GLDC: variants seen among roughly 807,000 people sequenced by gnomAD.
GLDC encodes the protein glycine decarboxylase.
GLDC carries 104 observed loss-of-function variants against 121.3 expected under a neutral mutation model. The observed-to-expected ratio is 0.86, with a 90% CI of 0.73 to 1.01. GLDC has a LOEUF of 1.01. GLDC is among the 50% of genes least tolerant of loss of function. GLDC has a pLI of 0.00. For missense variants in GLDC, 1,429 were observed against 1,306.6 expected (o/e 1.09, Z -1.44); for synonymous variants, 546 against 480.6 (o/e 1.14, Z -1.78).
At chr9:6,542,596 G>A (rs1213294397) in intron 21 of GLDC, among the ~76,000 whole-genome samples, 3 of 151,624 alleles carry the variant, frequency 2.0e-5, no homozygotes, top group African/African-American at 7.3e-5. Context: ...TTCAAAAGCA[G>A]AAAATTCAGC....
At position 6,645,233 on chromosome 9, in the gene GLDC, G is replaced by A; in HGVS notation, c.255+12C>T. 1 of 1,581,514 alleles carries A rather than the reference G, an allele frequency of 6.3e-7. No individual in the cohort carries two copies. Among genetic ancestry groups the A allele is most frequent in the Non-Finnish European group, 8.6e-7 (1 of 1,163,866 alleles). ...GAGGGGAGGCCGCGGAGGGCCGGGT[G>A]GAGGTCCTTACCGCCAGCCCCAAGG... On this transcript the variant is annotated intron_variant, in intron 1 of 24. Coordinates refer to ENST00000321612, the MANE Select transcript of GLDC (RefSeq NM_000170.3).
Position 6,548,849 on chromosome 9 carries a change from A to G in GLDC, c.2569+1954T>C, listed in dbSNP as rs556583864. On this transcript the variant is annotated intron_variant, in intron 21 of 24. Transcript: ENST00000321612. ...CCCCATCTGTTTTTCTCTCAAAGGT[A>G]TCTTTGCTCTCCCTTCTCACAGCTT... Among the ~76,000 whole-genome samples, 5 of 152,204 alleles carry G rather than the reference A, an allele frequency of 3.3e-5. No homozygotes were observed. In the South Asian group the frequency reaches 6.2e-4, roughly 19 times the overall value.
rs761073591 is a variant in GLDC, at chr9:6,553,474, G to C, written c.2351C>G (p.Pro784Arg). Residue 784 changes from proline to arginine, a missense_variant, in exon 20 of 25, where the codon CCC becomes CGC. By Grantham distance (103) the Pro-to-Arg change is moderately radical. Transcript: ENST00000321612. ...KHLAPFLPNH[P>R]VISLKRNEDA... ...CTCATTCCGCTTTAGTGAAATGACG[G>C]GATGATTGGGCAAAAACGGGGCGAG... 1 of 1,613,884 alleles carries C rather than the reference G, an allele frequency of 6.2e-7. No individual in the cohort carries two copies. Among genetic ancestry groups the C allele is most frequent in the Non-Finnish European group, 8.5e-7 (1 of 1,179,906 alleles).
intron 4 of GLDC, among the ~76,000 whole-genome samples, chr9:6,609,243 T>C (rs1038303212): frequency 6.6e-6 from 1 of 152,220 alleles, no homozygotes; most frequent in Non-Finnish European, 1.5e-5. Flanking sequence ...GAAATGGCTC[T>C]TCAGGAAATA....
intron 2 of GLDC, among the ~76,000 whole-genome samples, chr9:6,623,597 C>A (rs1002627290): frequency 6.6e-6 from 1 of 150,900 alleles, no homozygotes; most frequent in Non-Finnish European, 1.5e-5. Context: ...GAGAGAAACA[C>A]CCAAGAATGA....
intron 15 of GLDC, among the ~76,000 whole-genome samples, chr9:6,586,375 G>A (rs1199857951): frequency 6.6e-6 from 1 of 152,198 alleles, no homozygotes; most frequent in Non-Finnish European, 1.5e-5. Flanking sequence ...TGCGTCTGGA[G>A]CGGGGCCCGG....
chr9:6,580,377 G>A (rs1274804263), intron 15 of GLDC, among the ~76,000 whole-genome samples: 1 of 152,136 alleles, frequency 6.6e-6, no homozygotes, highest in Non-Finnish European at 1.5e-5. Flanking sequence ...GACTTCTAAC[G>A]ACACCCAGAA....
intron 17 of GLDC, 112 bp from the exon 18 acceptor site, chr9:6,556,414 C>A: frequency 1.1e-6 from 1 of 888,700 alleles, no homozygotes. Flanking sequence ...TCAGTCTTTA[C>A]TTTCCTGGAA....
At chr9:6,555,281 G>A (rs957329308) in intron 18 of GLDC, among the ~76,000 whole-genome samples, 5 of 152,214 alleles carry the variant, frequency 3.3e-5, no homozygotes, top group Non-Finnish European at 7.3e-5. Context: ...GGGAAGGCAA[G>A]GCTCGCAGTC....
Position 6,554,997 on chromosome 9 carries a change from A to C in GLDC, c.2203-216T>G, listed in dbSNP as rs112211409. On this transcript the variant is annotated intron_variant, in intron 18 of 24. Coordinates refer to ENST00000321612, the MANE Select transcript of GLDC (RefSeq NM_000170.3). ...GAGTGCTTGTGGTTGCTATGGAAAT[A>C]GCAACTGACCATTTAGTCCAATTTA... is the stretch of plus-strand genomic sequence containing the variant. 6.5e-6 allele frequency: 4 copies of C among 616,438 alleles called. No individual in the cohort carries two copies. The African/African-American group carries it at 7.4e-5, about 11-fold the overall frequency. 38.2% of individuals were successfully genotyped at this position (616,438 alleles called of 1,614,324 possible). A position where few individuals can be genotyped will look rare whatever the true frequency, so the allele number is the denominator to read the frequency against.
chr9:6,562,093 G>T (rs528063188), intron 16 of GLDC, among the ~76,000 whole-genome samples: 57 of 151,904 alleles, frequency 3.8e-4, no homozygotes, highest in Non-Finnish European at 7.8e-4. Context: ...TTATTTTTTC[G>T]TAAGATCTGG....
At chr9:6,625,249 G>A (rs184028117) in intron 2 of GLDC, among the ~76,000 whole-genome samples, 1 of 152,148 alleles carries the variant, frequency 6.6e-6, no homozygotes, top group East Asian at 1.9e-4. Context: ...CAGTTATCCA[G>A]CCCAAAGATT....
intron 8 of GLDC, among the ~76,000 whole-genome samples, chr9:6,600,899 G>A (rs1465816707): frequency 6.6e-6 from 1 of 152,142 alleles, no homozygotes; most frequent in Non-Finnish European, 1.5e-5. Context: ...ACATGGCCAG[G>A]TGCAGTGGCT....
intron 2 of GLDC, among the ~76,000 whole-genome samples, chr9:6,634,559 C>A (rs78005665): frequency 1.1e-4 from 16 of 146,362 alleles, no homozygotes; most frequent in East Asian, 9.9e-4. Flanking sequence ...AAACAAAAAA[C>A]AAAAAAAAAA....
chr9:6,640,306 CA>C (rs1181110902), intron 2 of GLDC, among the ~76,000 whole-genome samples: 2 of 152,170 alleles, frequency 1.3e-5, no homozygotes, highest in Admixed American at 6.5e-5. Flanking sequence ...CGGGAATGGC[CA>C]AAGGAAAGCC....
intron 18 of GLDC, among the ~76,000 whole-genome samples, chr9:6,555,226 T>C (rs556376061): frequency 2.0e-4 from 31 of 152,214 alleles, no homozygotes; most frequent in African/African-American, 5.5e-4. Flanking sequence ...GGCACAGTGA[T>C]GGAAGGGGCT....
At position 6,588,434 on chromosome 9, in the gene GLDC, G is replaced by A. The variant is rs1469574000; in HGVS notation, c.1674C>T (p.Cys558=). The change falls in exon 14 of 25, where the codon TGC becomes TGT. Residue 558 remains cysteine (C), a synonymous_variant. Transcript: ENST00000321612. ...LVHSMIPLGS[C]TMKLNSSSEL... ...CAGACGAACTGTTCAGTTTCATGGT[G>A]CAGGATCCCTTTAAGAAGAACATCC... 3 of 1,611,652 alleles carry A rather than the reference G, an allele frequency of 1.9e-6. No homozygotes were observed. The highest frequency in any genetic ancestry group is 2.2e-5 in the East Asian group (1 of 44,868).
At chr9:6,639,894 A>T (rs2130013868) in intron 2 of GLDC, among the ~76,000 whole-genome samples, 1 of 152,214 alleles carries the variant, frequency 6.6e-6, no homozygotes, top group East Asian at 1.9e-4. Flanking sequence ...GAAACCGAAC[A>T]ACAACTTCCC....
intron 10 of GLDC, 122 bp downstream of exon 10, chr9:6,592,729 G>GA (rs1818398928): frequency 1.1e-6 from 1 of 886,594 alleles, no homozygotes; most frequent in African/African-American, 1.7e-5. Flanking sequence ...ACTTGTTTAT[G>GA]AAAAAATAGG....
Sources: gnomAD v4.1 joint callset for allele counts (sites outside exome capture counted in the v4.1 genomes callset) on GRCh38, gnomAD v4.1.1 for gene constraint, MANE v1.5 for transcripts, NCBI Gene and HGNC (gene_info 2026-07-23, HGNC 2026-07-21) for gene names.